PTPRD: variants seen among roughly 807,000 people sequenced by gnomAD.
PTPRD encodes receptor-type tyrosine-protein phosphatase delta.
Under a neutral mutation model 214.5 loss-of-function variants are expected in PTPRD, and 34 were observed. That is an observed-to-expected ratio of 0.16 (90% CI 0.12 to 0.21). PTPRD has a LOEUF of 0.21. Among genes scored for constraint, PTPRD ranks in the 10% least tolerant of loss-of-function variants. The pLI, the probability that PTPRD is intolerant of heterozygous loss-of-function variation, is 1.00. For missense variants in PTPRD, 2,545 were observed against 2,398.7 expected (o/e 1.06, Z -1.27); for synonymous variants, 1,128 against 845.7 (o/e 1.33, Z -5.79).
intron 11 of PTPRD, among the ~76,000 whole-genome samples, chr9:8,793,101 T>C (rs894599628): frequency 2.6e-5 from 4 of 152,220 alleles, no homozygotes; most frequent in African/African-American, 9.6e-5. Context: ...AGCCTCCTGG[T>C]TGGCCCTCAA....
chr9:10,205,568 C>A (rs1330301444), intron 3 of PTPRD, among the ~76,000 whole-genome samples: 2 of 151,556 alleles, frequency 1.3e-5, no homozygotes, highest in Admixed American at 6.6e-5. Flanking sequence ...ACCACACCAG[C>A]CTAATTTTTT....
chr9:10,562,250 A>G (rs1356371327), intron 2 of PTPRD, among the ~76,000 whole-genome samples: 1 of 152,116 alleles, frequency 6.6e-6, no homozygotes, highest in Non-Finnish European at 1.5e-5. Flanking sequence ...TCTGAACTCA[A>G]ATAGAAACAT....
At chr9:8,436,566 T>G in intron 35 of PTPRD, 26 bp downstream of exon 35, 1 of 1,536,812 alleles carries the variant, frequency 6.5e-7, no homozygotes, top group Non-Finnish European at 9.0e-7. Flanking sequence ...TTGAAATTAC[T>G]GTAAAGAATA....
chr9:8,864,804 G>A (rs1422797021), intron 11 of PTPRD, among the ~76,000 whole-genome samples: 5 of 152,138 alleles, frequency 3.3e-5, no homozygotes, highest in Non-Finnish European at 5.9e-5. Flanking sequence ...GTTTCCTTGT[G>A]CATTCAGTAA....
At position 10,258,867 on chromosome 9, in the gene PTPRD, A is replaced by G. The variant is rs568228766; in HGVS notation, c.-545+82096T>C. Among the ~76,000 whole-genome samples, 15 of 152,352 alleles carry G rather than the reference A, an allele frequency of 9.8e-5. No individual in the cohort carries two copies. The South Asian group carries it at 2.9e-3, about 29-fold the overall frequency. On this transcript the variant is annotated intron_variant, in intron 3 of 45. Transcript: ENST00000381196. Reference sequence around the variant, plus strand: ...TTTTTTATACTTAATTTATAATTCAATACAACCATTTACTGTATGGTGGAG... The same window carrying G: ...TTTTTTATACTTAATTTATAATTCAGTACAACCATTTACTGTATGGTGGAG...
At chr9:8,748,522 C>CAAAAAAAAAA (rs1239091825) in intron 11 of PTPRD, among the ~76,000 whole-genome samples, 88 of 37,388 alleles carry the variant, frequency 2.4e-3, no homozygotes, top group Non-Finnish European at 3.0e-3. Context: ...CCTGCAACTG[C>CAAAAAAAAAA]AAAAAAAAAA....
In PTPRD at chr9:10,035,971, T is replaced by C. The variant is rs929979750; in HGVS notation, c.-544-2181A>G. ...AAACTTAGGAGGACATAGGTGAGTG[T>C]CTAAATCATGGGGTGGAACATACCT... On this transcript the variant is annotated intron_variant, in intron 3 of 45. Coordinates refer to ENST00000381196, the MANE Select transcript of PTPRD (RefSeq NM_002839.4). Among the ~76,000 whole-genome samples the C allele has an allele frequency of 7.2e-5, 11 of 152,200 alleles. 1 individual carries two copies. Among genetic ancestry groups the C allele is most frequent in the Admixed American group, 6.5e-4 (10 of 15,274 alleles).
At chr9:10,405,662 T>G (rs937458593) in intron 2 of PTPRD, among the ~76,000 whole-genome samples, 6 of 151,588 alleles carry the variant, frequency 4.0e-5, no homozygotes, top group Non-Finnish European at 7.4e-5. Context: ...AATTTTGTAG[T>G]GATCCAATAA....
At chr9:9,632,612 G>C (rs537347376) in intron 7 of PTPRD, among the ~76,000 whole-genome samples, 6 of 141,924 alleles carry the variant, frequency 4.2e-5, no homozygotes, top group Admixed American at 6.9e-5. Context: ...AAGAGAGAAA[G>C]TTAAAAAAAA....
intron 8 of PTPRD, among the ~76,000 whole-genome samples, chr9:9,553,921 C>T (rs564061578): frequency 6.6e-6 from 1 of 152,084 alleles, no homozygotes; most frequent in Non-Finnish European, 1.5e-5. Flanking sequence ...CAGGCATATA[C>T]CCTCTGACAA....
intron 10 of PTPRD, among the ~76,000 whole-genome samples, chr9:9,134,971 C>A (rs1323180853): frequency 1.3e-5 from 2 of 152,108 alleles, no homozygotes; most frequent in Non-Finnish European, 1.5e-5. Flanking sequence ...ACAATATAAT[C>A]AATGATTATA....
At chr9:10,206,480 A>G (rs776410908) in intron 3 of PTPRD, among the ~76,000 whole-genome samples, 3 of 152,136 alleles carry the variant, frequency 2.0e-5, no homozygotes, top group Non-Finnish European at 4.4e-5. Flanking sequence ...GAGTCAACCC[A>G]ATTAGAATAG....
At chr9:8,936,362 T>A (rs1257676848) in intron 11 of PTPRD, among the ~76,000 whole-genome samples, 1 of 130,016 alleles carries the variant, frequency 7.7e-6, no homozygotes, top group Non-Finnish European at 1.5e-5. Flanking sequence ...AGGCAGAGGT[T>A]GCGGCAGTGA....
At chr9:8,562,311 G>GTACA (rs2086711532) in intron 14 of PTPRD, among the ~76,000 whole-genome samples, 1 of 151,926 alleles carries the variant, frequency 6.6e-6, no homozygotes. Flanking sequence ...ATTCTATAAA[G>GTACA]TACATATGAC....
intron 9 of PTPRD, among the ~76,000 whole-genome samples, chr9:9,209,772 A>C (rs2099947342): frequency 6.6e-6 from 1 of 152,224 alleles, no homozygotes; most frequent in Non-Finnish European, 1.5e-5. Flanking sequence ...AATATTTAAA[A>C]ATATATATCC....
intron 21 of PTPRD, among the ~76,000 whole-genome samples, chr9:8,516,310 G>C (rs919175970): frequency 5.9e-5 from 9 of 152,072 alleles, no homozygotes; most frequent in South Asian, 2.1e-4. Context: ...ACACAGAGAA[G>C]ATATATGGAT....
chr9:8,500,729 A>C (rs1407988672), intron 24 of PTPRD, 25 bp downstream of exon 24: 1 of 1,610,612 alleles, frequency 6.2e-7, no homozygotes, highest in Non-Finnish European at 8.5e-7. Flanking sequence ...GAAGGGTGCA[A>C]ACTGACGTAG....
Position 8,341,925 on chromosome 9 carries a change from C to A in PTPRD, c.4715G>T (p.Arg1572Ile). The A allele has an allele frequency of 6.2e-7, 1 of 1,613,064 alleles. No individual in the cohort carries two copies. The highest frequency in any genetic ancestry group is 8.5e-7 in the Non-Finnish European group (1 of 1,179,544). Residue 1572 changes from arginine (R) to isoleucine (I), a missense_variant, in exon 40 of 46, where the codon AGA becomes ATA. Arg to Ile is a moderately conservative substitution (Grantham distance 97, BLOSUM62 -3). Transcript: ENST00000381196. ...ATCTACAGTTTTTTCATGCTTTATT[C>A]TTTCTAACATGGCATCTATGACGAT... ...CFIVIDAMLE[R>I]IKHEKTVDIY...
chr9:10,543,931 C>A (rs1331858598), intron 2 of PTPRD, among the ~76,000 whole-genome samples: 2 of 152,068 alleles, frequency 1.3e-5, no homozygotes, highest in Non-Finnish European at 2.9e-5. Context: ...AATGTGGAGC[C>A]TGATTGAAGG....
Sources: gnomAD v4.1 joint callset for allele counts (sites outside exome capture counted in the v4.1 genomes callset) on GRCh38, gnomAD v4.1.1 for gene constraint, MANE v1.5 for transcripts, NCBI Gene and HGNC (gene_info 2026-07-23, HGNC 2026-07-21) for gene names.